Variants in BNC2 observed in about 807,000 individuals in gnomAD.
The protein encoded by BNC2 is zinc finger protein basonuclin-2.
BNC2 carries 20 observed loss-of-function variants against 76.3 expected under a neutral mutation model. The observed-to-expected ratio is 0.26, with a 90% CI of 0.18 to 0.38. The LOEUF (loss-of-function observed/expected upper bound fraction) is 0.38, where lower values mean the gene tolerates loss of function less well. Among genes scored for constraint, BNC2 ranks in the 10% least tolerant of loss-of-function variants. BNC2 has a pLI of 1.00. For missense variants in BNC2, 1,382 were observed against 1,399.8 expected (o/e 0.99, Z 0.20); for synonymous variants, 582 against 514.8 (o/e 1.13, Z -1.77).
chr9:16,640,201 C>T (rs866963132), intron 3 of BNC2, among the ~76,000 whole-genome samples: 2 of 152,006 alleles, frequency 1.3e-5, no homozygotes, highest in Non-Finnish European at 2.9e-5. Flanking sequence ...ACAAAGTCCT[C>T]AGACTACAAA....
intron 1 of BNC2, among the ~76,000 whole-genome samples, chr9:16,846,482 A>G (rs1232111222): frequency 6.6e-6 from 1 of 152,218 alleles, no homozygotes; most frequent in Admixed American, 6.5e-5. Context: ...CACGCAACAC[A>G]GCACAGCGCT....
chr9:16,808,696 CTTTTT>C (rs201554413), intron 1 of BNC2, among the ~76,000 whole-genome samples: 11 of 144,666 alleles, frequency 7.6e-5, no homozygotes, highest in Admixed American at 2.1e-4. Context: ...GTTGCCCAAG[CTTTTT>C]TTTTTATTTC....
intron 1 of BNC2, among the ~76,000 whole-genome samples, chr9:16,810,072 A>G (rs1490981164): frequency 6.6e-6 from 1 of 152,152 alleles, no homozygotes; most frequent in African/African-American, 2.4e-5. Flanking sequence ...CTACTGACCC[A>G]TCTCAATTAA....
chr9:16,730,160 G>A (rs915358876), intron 2 of BNC2, among the ~76,000 whole-genome samples: 3 of 152,064 alleles, frequency 2.0e-5, no homozygotes, highest in African/African-American at 2.4e-5. Flanking sequence ...AGCACCTGCA[G>A]TAATAGACTC....
At chr9:16,543,937 AT>A (rs1331765591) in intron 5 of BNC2, among the ~76,000 whole-genome samples, 1 of 152,156 alleles carries the variant, frequency 6.6e-6, no homozygotes, top group Non-Finnish European at 1.5e-5. Flanking sequence ...TGAATCATCT[AT>A]TTTTTGTATA....
At chr9:16,572,410 C>A (rs967754887) in intron 4 of BNC2, among the ~76,000 whole-genome samples, 4 of 152,176 alleles carry the variant, frequency 2.6e-5, no homozygotes, top group Non-Finnish European at 5.9e-5. Context: ...TGGGAAGAGG[C>A]TGCTGGAAAA....
chr9:16,829,297 C>T (rs1351255945), intron 1 of BNC2, among the ~76,000 whole-genome samples: 1 of 152,200 alleles, frequency 6.6e-6, no homozygotes, highest in African/African-American at 2.4e-5. Context: ...ATTCTATCTT[C>T]AGGGTAGGGC....
At chr9:16,603,335 T>C (rs1037512300) in intron 3 of BNC2, among the ~76,000 whole-genome samples, 2 of 152,212 alleles carry the variant, frequency 1.3e-5, no homozygotes, top group Admixed American at 1.3e-4. Flanking sequence ...CAAGAAAACT[T>C]GTAACCAGTT....
At position 16,558,963 on chromosome 9, in the gene BNC2, G is replaced by C. The variant is rs116351800; in HGVS notation, c.434-6198C>G. Among the ~76,000 whole-genome samples, 1,134 of 150,208 alleles carry C rather than the reference G, an allele frequency of 7.5e-3. 16 individuals are homozygous for C. Among genetic ancestry groups the C allele is most frequent in the African/African-American group, 0.026 (1,051 of 40,710 alleles). ...AAAAAAAAAAAAAAGTAATTTCAAA[G>C]TAGTGGTCGGTGTTCAACTAAAAGT... On this transcript the variant is annotated intron_variant, in intron 4 of 6. Coordinates refer to ENST00000380672, the MANE Select transcript of BNC2 (RefSeq NM_017637.6).
intron 3 of BNC2, among the ~76,000 whole-genome samples, chr9:16,692,427 G>A (rs539352104): frequency 6.6e-6 from 1 of 152,180 alleles, no homozygotes; most frequent in Non-Finnish European, 1.5e-5. Flanking sequence ...GTATCTCCGA[G>A]CCTTGTTTCC....
At chr9:16,864,482 G>A (rs950815984) in intron 1 of BNC2, among the ~76,000 whole-genome samples, 13 of 152,150 alleles carry the variant, frequency 8.5e-5, no homozygotes, top group Admixed American at 5.9e-4. Flanking sequence ...AAAACAATGT[G>A]ACTGACAAGC....
intron 1 of BNC2, among the ~76,000 whole-genome samples, chr9:16,762,279 G>C (rs994280913): frequency 1.3e-5 from 2 of 152,122 alleles, no homozygotes; most frequent in African/African-American, 4.8e-5. Flanking sequence ...ATGCCAGAAG[G>C]GGCTGATGTA....
At chr9:16,659,358 A>C (rs10122084) in intron 3 of BNC2, among the ~76,000 whole-genome samples, 1,657 of 152,134 alleles carry the variant, frequency 0.011, 17 homozygotes, top group African/African-American at 0.031. Flanking sequence ...ACGCGTAATC[A>C]CAGCACTTTG....
At chr9:16,672,290 G>T (rs1822500624) in intron 3 of BNC2, among the ~76,000 whole-genome samples, 2 of 152,310 alleles carry the variant, frequency 1.3e-5, no homozygotes, top group Non-Finnish European at 2.9e-5. Flanking sequence ...GAGGTCAGGA[G>T]ATCCAGACGG....
At chr9:16,764,520 G>T (rs900376941) in intron 1 of BNC2, among the ~76,000 whole-genome samples, 6 of 152,130 alleles carry the variant, frequency 3.9e-5, no homozygotes, top group Non-Finnish European at 8.8e-5. Context: ...TATTACCCAA[G>T]TCAATATGCC....
chr9:16,460,814 G>A (rs949815928), intron 5 of BNC2, among the ~76,000 whole-genome samples: 1 of 151,968 alleles, frequency 6.6e-6, no homozygotes, highest in Non-Finnish European at 1.5e-5. Context: ...TGAATTAAAT[G>A]ACACAGCAGT....
chr9:16,557,227 C>T (rs1294355984), intron 4 of BNC2, among the ~76,000 whole-genome samples: 2 of 151,802 alleles, frequency 1.3e-5, no homozygotes, highest in African/African-American at 2.4e-5. Flanking sequence ...GGCCAGGCAC[C>T]GTGGCTCACA....
chr9:16,772,145 A>C (rs1825848848), intron 1 of BNC2, among the ~76,000 whole-genome samples: 1 of 152,172 alleles, frequency 6.6e-6, no homozygotes, highest in African/African-American at 2.4e-5. Flanking sequence ...CACAATACAA[A>C]GTACAATGTA....
At chr9:16,849,683 T>C (rs1007614869) in intron 1 of BNC2, among the ~76,000 whole-genome samples, 1 of 152,124 alleles carries the variant, frequency 6.6e-6, no homozygotes, top group African/African-American at 2.4e-5. Context: ...CATTTTACGC[T>C]GTGGAGAAGA....
Sources: gnomAD v4.1 joint callset for allele counts (sites outside exome capture counted in the v4.1 genomes callset) on GRCh38, gnomAD v4.1.1 for gene constraint, MANE v1.5 for transcripts, NCBI Gene and HGNC (gene_info 2026-07-23, HGNC 2026-07-21) for gene names.